MYOM2: variants seen among roughly 807,000 people sequenced by gnomAD.
The protein encoded by MYOM2 is myomesin 2, also known as myomesin-2.
A neutral mutation model predicts 187.6 loss-of-function variants in MYOM2; 254 were observed. The ratio of observed to expected loss-of-function variants is 1.35; its 90% CI spans 1.22 to 1.50. The LOEUF (loss-of-function observed/expected upper bound fraction) is 1.50, where lower values mean the gene tolerates loss of function less well. Ranked by LOEUF, MYOM2 falls within the 40% of genes most tolerant of loss-of-function variation. The pLI, the probability that MYOM2 is intolerant of heterozygous loss-of-function variation, is 0.00. For missense variants in MYOM2, 2,796 were observed against 1,924.0 expected, an observed-to-expected ratio of 1.45 and a Z score of -8.48; for synonymous variants, 981 against 753.8, an observed-to-expected ratio of 1.30 and a Z score of -4.94.
chr8:2,050,920 G>C, intron 2 of MYOM2, 47 bp downstream of exon 2: 2 of 1,434,316 alleles, frequency 1.4e-6, no homozygotes, highest in Non-Finnish European at 2.0e-6. Flanking sequence ...TGATTATGGG[G>C]GTCTGACATT....
intron 6 of MYOM2, among the ~76,000 whole-genome samples, chr8:2,066,392 C>A (rs17064640): frequency 6.6e-6 from 1 of 152,094 alleles, no homozygotes; most frequent in African/African-American, 2.4e-5. Flanking sequence ...ATCCTTCCAG[C>A]GGTGCCTGTG....
chr8:2,074,429 G>T (rs1819343285), intron 10 of MYOM2, among the ~76,000 whole-genome samples: 1 of 151,924 alleles, frequency 6.6e-6, no homozygotes, highest in Non-Finnish European at 1.5e-5. Flanking sequence ...GAGCAGAAGG[G>T]GCCCACCTAC....
Position 2,123,583 on chromosome 8 carries a change from A to G in MYOM2, c.3596A>G (p.Lys1199Arg). 6.2e-7 allele frequency: 1 copy of G among 1,614,194 alleles called. No individual in the cohort carries two copies. Among genetic ancestry groups the G allele is most frequent in the Non-Finnish European group, 8.5e-7 (1 of 1,180,022 alleles). ...TCAAAGAAGGACCACGGTGAATACA[A>G]GGCAACCTTGAAAGATGACAGAGGC... is the stretch of plus-strand genomic sequence containing the variant. ...KLSKKDHGEY[K>R]ATLKDDRGQD... Residue 1199 changes from lysine (K) to arginine (R), a missense_variant, in exon 30 of 37, where the codon AAG becomes AGG. Coordinates refer to ENST00000262113, the MANE Select transcript of MYOM2 (RefSeq NM_003970.4).
chr8:2,129,100 G>A (rs1383341717), intron 31 of MYOM2, 27 bp from the exon 32 acceptor site: 1 of 1,552,706 alleles, frequency 6.4e-7, no homozygotes, highest in African/African-American at 1.4e-5. Context: ...CCTTTTCCTA[G>A]ATCTGAGGAT....
chr8:2,126,527 C>T (rs13260796), intron 31 of MYOM2, among the ~76,000 whole-genome samples: 2 of 152,314 alleles, frequency 1.3e-5, no homozygotes, highest in African/African-American at 4.8e-5. Context: ...CACACACACT[C>T]ATACACACAC....
Position 2,109,486 on chromosome 8 carries a change from C to A in MYOM2, c.3135C>A (p.Ala1045=), listed in dbSNP as rs753977683. The A allele has an allele frequency of 1.2e-6, 2 of 1,613,366 alleles. No individual in the cohort carries two copies. Among genetic ancestry groups the A allele is most frequent in the East Asian group, 2.2e-5 (1 of 44,752 alleles). ...WLQAEHLSPD[A]SYRFIINDRE... is the part of the protein sequence containing the mutation. ...AGGCTGAGCACTTATCACCAGATGC[C>A]AGCTACCGATTTATTATTAACGACA... The change falls in exon 25 of 37, where the codon GCC becomes GCA. Residue 1045 remains alanine, a synonymous_variant. Coordinates refer to ENST00000262113, the MANE Select transcript of MYOM2 (RefSeq NM_003970.4).
chr8:2,083,785 A>G (rs1819716328), intron 13 of MYOM2, among the ~76,000 whole-genome samples: 1 of 152,172 alleles, frequency 6.6e-6, no homozygotes, highest in South Asian at 2.1e-4. Flanking sequence ...GCCCAGGCTG[A>G]TGAAGATGTG....
At chr8:2,072,855 G>C (rs1275420224) in intron 9 of MYOM2, among the ~76,000 whole-genome samples, 1 of 152,242 alleles carries the variant, frequency 6.6e-6, no homozygotes, top group Non-Finnish European at 1.5e-5. Context: ...AGACAGAAAT[G>C]CTACCTTAGT....
intron 6 of MYOM2, among the ~76,000 whole-genome samples, chr8:2,060,953 A>G (rs1223696477): frequency 1.3e-5 from 2 of 151,168 alleles, no homozygotes; most frequent in Admixed American, 6.6e-5. Context: ...GGAAATTACT[A>G]GGGGGAGATG....
intron 23 of MYOM2, 97 bp from the exon 24 acceptor site, chr8:2,108,689 G>C: frequency 8.8e-7 from 1 of 1,138,746 alleles, no homozygotes; most frequent in Admixed American, 1.8e-5. Context: ...TTAAATCCTG[G>C]GGGTTTCCAA....
chr8:2,100,774 G>A, intron 19 of MYOM2, 102 bp from the exon 20 acceptor site: 8 of 1,112,446 alleles, frequency 7.2e-6, no homozygotes, highest in East Asian at 2.5e-5. Context: ...GGTCCTGGTG[G>A]GGGGCTTCCC....
chr8:2,050,289 C>G (rs546178399), intron 1 of MYOM2, among the ~76,000 whole-genome samples: 1 of 152,318 alleles, frequency 6.6e-6, no homozygotes, highest in Non-Finnish European at 1.5e-5. Flanking sequence ...TCACCTGCCT[C>G]GTGGGCCACT....
rs1439593847 is a variant in MYOM2, at chr8:2,130,980, C to CT, written c.3800+1750dup. Among the ~76,000 whole-genome samples, 5 of 152,222 alleles carry CT rather than the reference C, an allele frequency of 3.3e-5. No individual in the cohort carries two copies. In the East Asian group the frequency reaches 9.6e-4, roughly 29 times the overall value. Reference sequence around the variant, plus strand: ...ATTGTCTTGCTGTAAGTTGTACACACTTGCAATGTGTGTCCTGCCATCCGT... The same window carrying CT: ...ATTGTCTTGCTGTAAGTTGTACACACTTTGCAATGTGTGTCCTGCCATCCGT... On this transcript the variant is annotated intron_variant, in intron 32 of 36. Coordinates refer to ENST00000262113, the MANE Select transcript of MYOM2 (RefSeq NM_003970.4).
chr8:2,120,562 G>A (rs1797393904), intron 28 of MYOM2, among the ~76,000 whole-genome samples: 1 of 148,238 alleles, frequency 6.7e-6, no homozygotes, highest in Admixed American at 6.8e-5. Context: ...CCCTAGATAG[G>A]TGCAGGTTAC....
intron 15 of MYOM2, 65 bp from the exon 16 acceptor site, chr8:2,092,281 G>T (rs1796330960): frequency 1.3e-6 from 2 of 1,554,710 alleles, no homozygotes; most frequent in South Asian, 1.2e-5. Context: ...AGGGCCGGAA[G>T]ATCTCTGCTG....
Position 2,057,346 on chromosome 8 carries a change from A to G in MYOM2, c.264-2A>G. ...ACTGAGGCTGCTTCTCGGCTCCTGC[A>G]GGTACCAGTCCCTGGTGGCCGCCTA... On this transcript the variant is annotated splice_acceptor_variant, in intron 3 of 36. Coordinates refer to ENST00000262113, the MANE Select transcript of MYOM2 (RefSeq NM_003970.4). LOFTEE classifies it high-confidence loss of function. 6.3e-7 allele frequency: 1 copy of G among 1,598,660 alleles called. No homozygotes were observed. Among genetic ancestry groups the G allele is most frequent in the Non-Finnish European group, 8.5e-7 (1 of 1,172,184 alleles).
At chr8:2,101,702 G>A (rs765220931) in intron 20 of MYOM2, among the ~76,000 whole-genome samples, 1 of 152,086 alleles carries the variant, frequency 6.6e-6, no homozygotes, top group Non-Finnish European at 1.5e-5. Flanking sequence ...CTATGTCTGT[G>A]TGCTTTCCAA....
intron 14 of MYOM2, among the ~76,000 whole-genome samples, chr8:2,087,311 C>G (rs1796127041): frequency 6.6e-6 from 1 of 152,192 alleles, no homozygotes; most frequent in Non-Finnish European, 1.5e-5. Context: ...TAGCACCACT[C>G]AATGCAGCAT....
At chr8:2,135,602 G>A (rs1166883501) in intron 32 of MYOM2, among the ~76,000 whole-genome samples, 8 of 152,224 alleles carry the variant, frequency 5.3e-5, no homozygotes, top group South Asian at 2.1e-4. Flanking sequence ...GAGCAGAAAC[G>A]TGTGCTTTCT....
Sources: allele counts gnomAD v4.1 joint callset (sites outside exome capture counted in the v4.1 genomes callset), GRCh38; gene constraint gnomAD v4.1.1; transcripts MANE v1.5; gene names NCBI Gene and HGNC (gene_info 2026-07-23, HGNC 2026-07-21).